The following NDUFAF1 variants were observed in gnomAD, a reference collection of about 807,000 sequenced individuals.
NDUFAF1 encodes NADH:ubiquinone oxidoreductase complex assembly factor 1, also known as complex I intermediate-associated protein 30, mitochondrial.
NDUFAF1 carries 18 observed loss-of-function variants against 28.7 expected under a neutral mutation model. The ratio of observed to expected loss-of-function variants is 0.63; its 90% confidence interval spans 0.43 to 0.93. The LOEUF (loss-of-function observed/expected upper bound fraction) is 0.93. Ranked by LOEUF, NDUFAF1 falls within the 40% of genes least tolerant of loss-of-function variation. NDUFAF1 has a pLI of 0.00. For synonymous variants in NDUFAF1, 113 were observed against 139.7 expected (o/e 0.81, Z 1.35); for missense variants, 404 against 398.3 (o/e 1.01, Z -0.12).
At position 41,394,844 on chromosome 15, in the gene NDUFAF1, G is replaced by A. The variant is rs28652910; in HGVS notation, c.759+15C>T. On this transcript the variant is annotated intron_variant, in intron 3 of 4. Coordinates refer to ENST00000260361, the MANE Select transcript of NDUFAF1 (RefSeq NM_016013.4). ...AGACCTCATTTTTATAAACAATGAA[G>A]ATTTATGCTGTTACCTTGACCTCCT... is the stretch of plus-strand genomic sequence containing the variant. 6.2e-7 allele frequency: 1 copy of A among 1,613,464 alleles called. No individual in the cohort carries two copies. The highest frequency in any genetic ancestry group is 8.5e-7 in the Non-Finnish European group (1 of 1,179,582).
At position 41,396,715 on chromosome 15, in the gene NDUFAF1, C is replaced by G. The variant is rs745904379; in HGVS notation, c.345G>C (p.Glu115Asp). 2 of 1,614,156 alleles carry G rather than the reference C, an allele frequency of 1.2e-6. No homozygotes were observed. The highest frequency in any genetic ancestry group is 1.1e-5 in the South Asian group (1 of 91,086). Residue 115 changes from glutamate to aspartate, a missense_variant, in exon 2 of 5, where the codon GAG becomes GAC. By Grantham distance (45) the Glu-to-Asp change is conservative. Coordinates refer to ENST00000260361, the MANE Select transcript of NDUFAF1 (RefSeq NM_016013.4). ...WRGPEGHPLH[E>D]VLLEQAKVVW... Reference sequence around the variant, plus strand: ...CAACCTTGGCTTGTTCCAGCAAGACCTCATGCAGAGGGTGGCCTTCCGGTC... The same window carrying G: ...CAACCTTGGCTTGTTCCAGCAAGACGTCATGCAGAGGGTGGCCTTCCGGTC...
chr15:41,399,310 C>T (rs942968162), intron 1 of NDUFAF1, among the ~76,000 whole-genome samples: 1 of 151,784 alleles, frequency 6.6e-6, no homozygotes, highest in Non-Finnish European at 1.5e-5. Flanking sequence ...GCATAAGAAT[C>T]GCTTGAACCC....
At chr15:41,394,065 G>C (rs1488678078) in intron 3 of NDUFAF1, 1 of 98,108 alleles carries the variant, frequency 1.0e-5, no homozygotes, top group Non-Finnish European at 1.9e-5. Flanking sequence ...TTTGGCTCTT[G>C]TTGCCCAGGC....
intron 1 of NDUFAF1, among the ~76,000 whole-genome samples, chr15:41,398,294 C>A (rs1462061874): frequency 6.6e-6 from 1 of 151,526 alleles, no homozygotes; most frequent in African/African-American, 2.4e-5. Flanking sequence ...GAGTTCGAGA[C>A]CAGCCTTGAC....
intron 3 of NDUFAF1, among the ~76,000 whole-genome samples, chr15:41,390,832 A>ACCATCCTG (rs1181904141): frequency 6.6e-6 from 1 of 152,064 alleles, no homozygotes; most frequent in East Asian, 1.9e-4. Context: ...GGAGTTCAAG[A>ACCATCCTG]CCATCCTGGC....
intron 3 of NDUFAF1, among the ~76,000 whole-genome samples, chr15:41,392,846 C>G (rs2050331976): frequency 6.6e-6 from 1 of 152,110 alleles, no homozygotes; most frequent in Non-Finnish European, 1.5e-5. Flanking sequence ...GTCATCTGAA[C>G]TATGCTTCAG....
intron 2 of NDUFAF1, among the ~76,000 whole-genome samples, chr15:41,396,033 A>T (rs1595407462): frequency 1.3e-5 from 2 of 151,130 alleles, no homozygotes; most frequent in East Asian, 3.9e-4. Context: ...AGTTGCAGTG[A>T]GCCGAGATCA....
chr15:41,389,909 CT>C (rs1177096455), intron 3 of NDUFAF1, among the ~76,000 whole-genome samples: 1 of 151,980 alleles, frequency 6.6e-6, no homozygotes, highest in Non-Finnish European at 1.5e-5. Flanking sequence ...CAGTAGAAAA[CT>C]CTGAAAACAA....
Position 41,393,322 on chromosome 15 carries a change from G to A in NDUFAF1, c.759+1537C>T, listed in dbSNP as rs1323665661. Among the ~76,000 whole-genome samples, 3 of 124,348 alleles carry A rather than the reference G, an allele frequency of 2.4e-5. No homozygotes were observed. In the Admixed American group the frequency reaches 2.6e-4, roughly 11 times the overall value. 81.6% of individuals were successfully genotyped at this position (124,348 alleles called of 152,430 possible). A position where few individuals can be genotyped will look rare whatever the true frequency, so the allele number is the denominator to read the frequency against. ...TTTTTTTTTTTTTTTTTTTTGAGAC[G>A]AAGTCTCCCGCCCAGCCTGGAGTGC... On this transcript the variant is annotated intron_variant, in intron 3 of 4. Coordinates refer to ENST00000260361, the MANE Select transcript of NDUFAF1 (RefSeq NM_016013.4).
chr15:41,397,799 G>A (rs1190742356), intron 1 of NDUFAF1, among the ~76,000 whole-genome samples: 3 of 136,882 alleles, frequency 2.2e-5, no homozygotes, highest in East Asian at 2.1e-4. Flanking sequence ...ACTCTGTCTC[G>A]GGAAAAAAAA....
intron 4 of NDUFAF1, among the ~76,000 whole-genome samples, chr15:41,387,854 G>C (rs548253386): frequency 1.1e-4 from 16 of 152,194 alleles, no homozygotes; most frequent in Middle Eastern, 6.8e-3. Flanking sequence ...CGTGGCTCAG[G>C]CCTGTAATCC....
rs2050368010 is a variant in NDUFAF1, at chr15:41,395,105, C to T, written c.574-61G>A. 18 of 1,502,730 alleles carry T rather than the reference C, an allele frequency of 1.2e-5. No homozygotes were observed. The South Asian group carries it at 1.6e-4, about 14-fold the overall frequency. 93.1% of individuals were successfully genotyped at this position (1,502,730 alleles called of 1,614,324 possible). A position where few individuals can be genotyped will look rare whatever the true frequency, so the allele number is the denominator to read the frequency against. On this transcript the variant is annotated intron_variant, in intron 2 of 4. Transcript: ENST00000260361. ...TCTCCATTATTAGCAAAATGTGAGT[C>T]ATCACCAAGTCAGCATCATCAACAG...
upstream of NDUFAF1, among the ~76,000 whole-genome samples, chr15:41,402,728 CTTTTTTTTTTTT>C (rs557825524): frequency 8.3e-6 from 1 of 120,914 alleles, no homozygotes; most frequent in Non-Finnish European, 1.7e-5. Context: ...ATCCCTGCGT[CTTTTTTTTTTTT>C]TTTTTTTTTG....
In NDUFAF1 at chr15:41,387,368, G is replaced by A. The variant is rs781327779; in HGVS notation, c.*76C>T. 1.8e-5 allele frequency: 22 copies of A among 1,206,832 alleles called. No individual in the cohort carries two copies. The African/African-American group carries it at 2.9e-4, about 16-fold the overall frequency. 74.8% of individuals were successfully genotyped at this position (1,206,832 alleles called of 1,614,324 possible). The stretch of plus-strand genomic sequence containing the variant: ...TAGCCATTGGTTGGATGCCATTAAA[G>A]AAATATTTTATTTTGTCTATATCAT... On this transcript the variant is annotated 3_prime_UTR_variant, in exon 5 of 5. Coordinates refer to ENST00000260361, the MANE Select transcript of NDUFAF1 (RefSeq NM_016013.4).
At chr15:41,390,742 T>C (rs1200326875) in intron 3 of NDUFAF1, among the ~76,000 whole-genome samples, 4 of 134,920 alleles carry the variant, frequency 3.0e-5, no homozygotes, top group African/African-American at 8.5e-5. Context: ...AAAAAAATAG[T>C]ATTTTATCTG....
Position 41,396,410 on chromosome 15 carries a change from G to C in NDUFAF1, c.573+77C>G, listed in dbSNP as rs1431992107. 5.7e-6 allele frequency: 8 copies of C among 1,411,850 alleles called. No individual in the cohort carries two copies. In the African/African-American group the frequency reaches 1.1e-4, roughly 20 times the overall value. The allele number at this position is 1,411,850 out of a possible 1,614,324, so 87.5% of individuals were successfully genotyped here. A position where few individuals can be genotyped will look rare whatever the true frequency, so the allele number is the denominator to read the frequency against. On this transcript the variant is annotated intron_variant, in intron 2 of 4. Transcript: ENST00000260361. ...GGTGTTTTCATTTACAGAAACAAAAGCTATCTTCTATAGTTTATGCTACAA... is the reference window on the plus strand; with the variant it reads ...GGTGTTTTCATTTACAGAAACAAAACCTATCTTCTATAGTTTATGCTACAA...
chr15:41,397,614 A>ACCAC (rs2050407654), intron 1 of NDUFAF1, among the ~76,000 whole-genome samples: 1 of 151,948 alleles, frequency 6.6e-6, no homozygotes, highest in Admixed American at 6.6e-5. Context: ...CCTGGCTAAC[A>ACCAC]CGGTGAAACC....
intron 1 of NDUFAF1, among the ~76,000 whole-genome samples, chr15:41,399,889 A>C (rs2050439730): frequency 6.9e-6 from 1 of 144,356 alleles, no homozygotes; most frequent in Non-Finnish European, 1.5e-5. Flanking sequence ...AAATACAAAA[A>C]TTAGCTGGGT....
intron 1 of NDUFAF1, among the ~76,000 whole-genome samples, chr15:41,398,680 T>C (rs931438960): frequency 6.6e-6 from 1 of 151,974 alleles, no homozygotes; most frequent in Admixed American, 6.6e-5. Context: ...GTTGGCCGGG[T>C]GCCGTGCATC....
Sources: gnomAD v4.1 joint callset for allele counts (sites outside exome capture counted in the v4.1 genomes callset) on GRCh38, gnomAD v4.1.1 for gene constraint, MANE v1.5 for transcripts, NCBI Gene and HGNC (gene_info 2026-07-23, HGNC 2026-07-21) for gene names.